Variants in ZFHX3 observed in about 807,000 individuals in gnomAD.
ZFHX3 encodes zinc finger homeobox 3.
Under a neutral mutation model 279.1 loss-of-function variants are expected in ZFHX3, and 42 were observed. That is an observed-to-expected ratio of 0.15 (90% confidence interval 0.12 to 0.19). The LOEUF is 0.19. Ranked by LOEUF, ZFHX3 falls within the 10% of genes least tolerant of loss-of-function variation. ZFHX3 has a pLI of 1.00. For synonymous variants in ZFHX3, 2,293 were observed against 1,957.8 expected, an observed-to-expected ratio of 1.17 and a Z score of -4.52; for missense variants, 4,981 against 4,754.0, an observed-to-expected ratio of 1.05 and a Z score of -1.40.
At chr16:73,308,338 C>T (rs1219263449) in intron 4 of ZFHX3, among the ~76,000 whole-genome samples, 3 of 143,488 alleles carry the variant, frequency 2.1e-5, no homozygotes, top group African/African-American at 5.1e-5. Context: ...AGTGCAATGG[C>T]GCAATCTCTG....
At chr16:73,778,293 G>C (rs1311078835) in intron 1 of ZFHX3, among the ~76,000 whole-genome samples, 2 of 122,432 alleles carry the variant, frequency 1.6e-5, no homozygotes, top group African/African-American at 6.5e-5. Flanking sequence ...ATGAAATCTA[G>C]TCCTAAATCT....
chr16:73,183,497 C>T (rs1488274992), intron 5 of ZFHX3, among the ~76,000 whole-genome samples: 2 of 152,144 alleles, frequency 1.3e-5, no homozygotes, highest in East Asian at 3.9e-4. Context: ...TTTGTGTTTT[C>T]CCCCTGAAGG....
Position 73,803,733 on chromosome 16 carries a change from C to T in ZFHX3, c.-1608+87918G>A, listed in dbSNP as rs542420099. Among the ~76,000 whole-genome samples, 67 of 152,228 alleles carry T rather than the reference C, an allele frequency of 4.4e-4. No individual in the cohort carries two copies. The South Asian group carries it at 5.4e-3, about 12-fold the overall frequency. ...AAGACTTGAAAAGATGTTCTTTATA[C>T]GTTAGTAAGTTTTTAAAAGCACATT... On this transcript the variant is annotated intron_variant, in intron 1 of 17. Coordinates refer to the ZFHX3 transcript ENST00000641206.
chr16:73,849,023 T>C (rs895586952), intron 1 of ZFHX3, among the ~76,000 whole-genome samples: 5 of 152,234 alleles, frequency 3.3e-5, no homozygotes, highest in Admixed American at 2.6e-4. Context: ...GACACAGCAT[T>C]GTTCTTGTTA....
chr16:73,839,919 G>T (rs1961256237), intron 1 of ZFHX3, among the ~76,000 whole-genome samples: 2 of 152,180 alleles, frequency 1.3e-5, no homozygotes, highest in African/African-American at 4.8e-5. Context: ...GGTCTTGCTA[G>T]TAACATTTCC....
chr16:73,548,450 C>T (rs1286298999), intron 2 of ZFHX3, among the ~76,000 whole-genome samples: 1 of 149,918 alleles, frequency 6.7e-6, no homozygotes, highest in Non-Finnish European at 1.5e-5. Context: ...TGACTTTTGA[C>T]ACTTTGGGTG....
At chr16:73,021,015 G>T (rs985975337) in intron 1 of ZFHX3, among the ~76,000 whole-genome samples, 2 of 152,300 alleles carry the variant, frequency 1.3e-5, no homozygotes, top group East Asian at 3.9e-4. Context: ...GCAAGGATTA[G>T]TTGAAAGGGT....
rs567408479 is a variant in ZFHX3 at position 72,787,401 on chromosome 16, C to G, written c.10875G>C (p.Ser3625=). The part of the protein sequence containing the change: ...KSWPQVVSRA[S]AAKPPSFPPL... ...GAGGAAAAGAAGGGGGCTTCGCTGCCGAAGCCCGGGAGACCACTTGCGGCC... is the reference window on the plus strand; with the variant it reads ...GAGGAAAAGAAGGGGGCTTCGCTGCGGAAGCCCGGGAGACCACTTGCGGCC... Residue 3625 remains serine, a synonymous_variant, in exon 10 of 10, where the codon TCG becomes TCC. Coordinates refer to ENST00000268489, the MANE Select transcript of ZFHX3 (RefSeq NM_006885.4). The G allele has an allele frequency of 6.3e-6, 10 of 1,599,680 alleles. No homozygotes were observed. The highest frequency in any genetic ancestry group is 1.1e-5 in the South Asian group (1 of 90,166).
At chr16:73,487,284 C>A (rs2018992487) in intron 2 of ZFHX3, 1 of 300,734 alleles carries the variant, frequency 3.3e-6, no homozygotes, top group Non-Finnish European at 6.6e-6. Flanking sequence ...TAATGGTGGG[C>A]AGCTTGGGTG....
At chr16:73,629,572 GAGA>G (rs2142145413) in intron 2 of ZFHX3, among the ~76,000 whole-genome samples, 1 of 152,058 alleles carries the variant, frequency 6.6e-6, no homozygotes, top group East Asian at 1.9e-4. Flanking sequence ...AGGAGGGAAT[GAGA>G]AGAAGATGGA....
intron 4 of ZFHX3, among the ~76,000 whole-genome samples, chr16:73,259,468 G>T (rs1314840832): frequency 6.6e-6 from 1 of 152,166 alleles, no homozygotes; most frequent in African/African-American, 2.4e-5. Flanking sequence ...TGAAGCTTCA[G>T]TTATGTAAAA....
At chr16:72,840,356 C>T (rs766331022) in intron 4 of ZFHX3, among the ~76,000 whole-genome samples, 5 of 152,042 alleles carry the variant, frequency 3.3e-5, no homozygotes, top group Non-Finnish European at 7.4e-5. Context: ...GGAGCGTCAA[C>T]GGTGATGGAT....
At chr16:73,610,138 G>C (rs1433263380) in intron 2 of ZFHX3, 2 of 152,100 alleles carry the variant, frequency 1.3e-5, no homozygotes, top group African/African-American at 4.8e-5. Context: ...ATTTTTCTTA[G>C]GGAGCCCTGC....
intron 1 of ZFHX3, among the ~76,000 whole-genome samples, chr16:73,760,145 G>T (rs369052227): frequency 6.6e-6 from 1 of 151,948 alleles, no homozygotes; most frequent in South Asian, 2.1e-4. Context: ...TACCATCAGA[G>T]AATACTATAA....
At chr16:73,412,454 T>C in intron 3 of ZFHX3, among the ~76,000 whole-genome samples, 1 of 152,132 alleles carries the variant, frequency 6.6e-6, no homozygotes, top group East Asian at 1.9e-4. Context: ...GCTCAGTTTG[T>C]CATGGCCATG....
chr16:73,884,466 T>C (rs760753505), intron 1 of ZFHX3, among the ~76,000 whole-genome samples: 4 of 152,204 alleles, frequency 2.6e-5, no homozygotes, highest in Admixed American at 6.5e-5. Context: ...GCCATATGAC[T>C]TGGTTGGAGC....
intron 1 of ZFHX3, among the ~76,000 whole-genome samples, chr16:73,743,085 G>A (rs957883268): frequency 2.6e-5 from 4 of 152,162 alleles, no homozygotes; most frequent in Non-Finnish European, 5.9e-5. Context: ...GTGAGAGTGT[G>A]TAATTTTCAT....
At position 73,433,350 on chromosome 16, in the gene ZFHX3, C is replaced by T. The variant is rs961217946; in HGVS notation, c.-1291+22653G>A. On this transcript the variant is annotated intron_variant, in intron 3 of 17. Transcript: ENST00000641206. Reference sequence around the variant, plus strand: ...TGAGGGCTGCTGTGGGGTATATGCACGCAGCCTGTACACTGGAACCAAATT... The same window carrying T: ...TGAGGGCTGCTGTGGGGTATATGCATGCAGCCTGTACACTGGAACCAAATT... Among the ~76,000 whole-genome samples, 11 of 152,298 alleles carry T rather than the reference C, an allele frequency of 7.2e-5. 1 individual carries two copies. Among genetic ancestry groups the T allele is most frequent in the Admixed American group, 3.3e-4 (5 of 15,296 alleles).
intron 1 of ZFHX3, among the ~76,000 whole-genome samples, chr16:73,038,538 G>A (rs1052009774): frequency 2.6e-5 from 4 of 152,180 alleles, no homozygotes; most frequent in South Asian, 2.1e-4. Context: ...ACATGGGGCT[G>A]GTTCTGAGCG....
Sources: allele counts gnomAD v4.1 joint callset (sites outside exome capture counted in the v4.1 genomes callset), GRCh38; gene constraint gnomAD v4.1.1; transcripts MANE v1.5; gene names NCBI Gene and HGNC (gene_info 2026-07-23, HGNC 2026-07-21).